DYNC2H1: variants seen among roughly 807,000 people sequenced by gnomAD.
DYNC2H1 encodes cytoplasmic dynein 2 heavy chain 1.
In DYNC2H1, 410 loss-of-function variants were observed where a neutral mutation model predicts 570.0. That is an observed-to-expected ratio of 0.72 (90% CI 0.66 to 0.78). DYNC2H1 has a LOEUF of 0.78. Ranked by LOEUF, DYNC2H1 falls within the 30% of genes least tolerant of loss-of-function variation. The pLI is 0.00. For missense variants in DYNC2H1, 4,865 were observed against 5,046.4 expected (o/e 0.96, Z 1.09); for synonymous variants, 1,688 against 1,677.6 (o/e 1.01, Z -0.15).
chr11:103,110,737 CAT>C lies in DYNC2H1; in HGVS notation c.195+971_195+972del, dbSNP rs760771836. Among the ~76,000 whole-genome samples the C allele has an allele frequency of 9.2e-5, 14 of 151,796 alleles. No homozygotes were observed. The South Asian group carries it at 2.1e-3, about 23-fold the overall frequency. On this transcript the variant is annotated intron_variant, in intron 1 of 88. Coordinates refer to ENST00000375735, the MANE Select transcript of DYNC2H1 (RefSeq NM_001377.3). ...TAGATTTAAGTTAATAAAACAAAGA[CAT>C]ATTTTAAACCTCTTCCTTTGGTGTT...
chr11:103,133,494 A>G lies in DYNC2H1; in HGVS notation c.1954-61A>G. Reference sequence around the variant, plus strand: ...GATAGTTGAACTTTTGATATAGAATATTGAAACTTTTGGAAAAAAGAAATA... The same window carrying G: ...GATAGTTGAACTTTTGATATAGAATGTTGAAACTTTTGGAAAAAAGAAATA... On this transcript the variant is annotated intron_variant, in intron 13 of 88. Transcript: ENST00000375735. The surrounding 1 kb of genome is among the most constrained non-coding windows in gnomAD (Gnocchi z 4.8). The G allele has an allele frequency of 2.7e-6, 4 of 1,489,536 alleles. No individual in the cohort carries two copies. The highest frequency in any genetic ancestry group is 3.6e-6 in the Non-Finnish European group (4 of 1,110,070). The allele number at this position is 1,489,536 out of a possible 1,614,324, so 92.3% of individuals were successfully genotyped here. A position where few individuals can be genotyped will look rare whatever the true frequency, so the allele number is the denominator to read the frequency against.
intron 34 of DYNC2H1, 83 bp downstream of exon 34, chr11:103,171,151 T>C (rs757372816): frequency 3.2e-5 from 37 of 1,165,604 alleles, no homozygotes; most frequent in Admixed American, 1.3e-4. Flanking sequence ...ATTCTCTTTT[T>C]ATTTCTCCTG....
In DYNC2H1 at chr11:103,125,208, T is replaced by G. The variant is rs1433524405; in HGVS notation, c.1770T>G (p.Ser590=). 1.2e-6 allele frequency: 2 copies of G among 1,613,494 alleles called. No individual in the cohort carries two copies. ...VILLREVRQL[S]ALGFVIPAKI... is the part of the protein sequence containing the mutation. ...TTCTGAGAGAAGTTCGTCAGCTCTC[T>G]GCACTTGGCTTTGTTATTCCTGCCA... Residue 590 remains serine (S), a synonymous_variant, in exon 12 of 89, where the codon TCT becomes TCG. Transcript: ENST00000375735.
intron 69 of DYNC2H1, among the ~76,000 whole-genome samples, chr11:103,259,545 T>G (rs1865187361): frequency 1.3e-5 from 2 of 152,236 alleles, no homozygotes; most frequent in Admixed American, 6.5e-5. Context: ...GGGGCTGGAT[T>G]GATAATTATA....
chr11:103,287,241 G>A (rs373716708), intron 74 of DYNC2H1, among the ~76,000 whole-genome samples: 7 of 152,044 alleles, frequency 4.6e-5, no homozygotes, highest in African/African-American at 7.2e-5. Flanking sequence ...CCTCATCTAC[G>A]TACCATGATT....
chr11:103,220,802 GA>G lies in DYNC2H1; in HGVS notation c.9107+24del. On this transcript the variant is annotated intron_variant, in intron 57 of 88. Coordinates refer to ENST00000375735, the MANE Select transcript of DYNC2H1 (RefSeq NM_001377.3). ...TGAAAAGGTACATTTTTCAATTTGT[GA>G]AAAATATTATTTCGGCAATGAATGA... 1 of 1,588,242 alleles carries G rather than the reference GA, an allele frequency of 6.3e-7. No homozygotes were observed. Among genetic ancestry groups the G allele is most frequent in the Non-Finnish European group, 8.6e-7 (1 of 1,167,824 alleles).
At chr11:103,287,929 C>T (rs112411714) in intron 75 of DYNC2H1, among the ~76,000 whole-genome samples, 5 of 152,274 alleles carry the variant, frequency 3.3e-5, no homozygotes, top group African/African-American at 1.2e-4. Flanking sequence ...TTACTCAAAT[C>T]AGTCTCCCTG....
chr11:103,165,864 C>T, intron 30 of DYNC2H1, 34 bp from the exon 31 acceptor site: 1 of 1,407,568 alleles, frequency 7.1e-7, no homozygotes, highest in Non-Finnish European at 9.3e-7. Flanking sequence ...AGTAAATTCA[C>T]CTTTTAAAAA....
chr11:103,150,111 A>G (rs950526993), intron 20 of DYNC2H1, among the ~76,000 whole-genome samples: 2 of 152,220 alleles, frequency 1.3e-5, no homozygotes, highest in East Asian at 1.9e-4. Context: ...AGAGAATGGT[A>G]TGAGGTGCAA....
intron 84 of DYNC2H1, among the ~76,000 whole-genome samples, chr11:103,418,437 G>A (rs1237842342): frequency 5.3e-5 from 8 of 152,272 alleles, no homozygotes; most frequent in Non-Finnish European, 8.8e-5. Flanking sequence ...TCTACACACT[G>A]AAAACTATAA....
chr11:103,186,093 A>G lies in DYNC2H1; in HGVS notation c.6634-149A>G, dbSNP rs1862055447. On this transcript the variant is annotated intron_variant, in intron 41 of 88. Coordinates refer to ENST00000375735, the MANE Select transcript of DYNC2H1 (RefSeq NM_001377.3). The surrounding 1 kb of genome is among the most constrained non-coding windows in gnomAD (Gnocchi z 4.5). ...TTTAGAGAAAAATATTTGAGATAAA[A>G]TGTTACATTAATGATAAAATAGGTT... 1.4e-6 allele frequency: 1 copy of G among 735,366 alleles called. No individual in the cohort carries two copies. Among genetic ancestry groups the G allele is most frequent in the Admixed American group, 3.0e-5 (1 of 33,360 alleles). The allele number at this position is 735,366 out of a possible 1,614,324, so 45.6% of individuals were successfully genotyped here.
chr11:103,358,642 T>A lies in DYNC2H1; in HGVS notation c.12156+283T>A, dbSNP rs946358632. On this transcript the variant is annotated intron_variant, in intron 83 of 88. Transcript: ENST00000375735. ...GTTCATTCCTTGTCTTGATGTTTGA[T>A]AATTTTCTTCCTCTCAGGGCTATGC... is the stretch of plus-strand genomic sequence containing the variant. Among the ~76,000 whole-genome samples, 3 of 152,308 alleles carry A rather than the reference T, an allele frequency of 2.0e-5. No individual in the cohort carries two copies. The East Asian group carries it at 5.8e-4, about 29-fold the overall frequency.
At chr11:103,379,635 T>C (rs1941553869) in intron 83 of DYNC2H1, among the ~76,000 whole-genome samples, 1 of 152,184 alleles carries the variant, frequency 6.6e-6, no homozygotes, top group African/African-American at 2.4e-5. Flanking sequence ...AAAACCTTTT[T>C]TCCCCTCCAT....
At chr11:103,390,072 G>T (rs998709204) in intron 83 of DYNC2H1, among the ~76,000 whole-genome samples, 1 of 152,098 alleles carries the variant, frequency 6.6e-6, no homozygotes, top group African/African-American at 2.4e-5. Context: ...CTGTCTTGTG[G>T]ATCTGTCTAA....
At chr11:103,225,658 TATAG>T (rs979173812) in intron 59 of DYNC2H1, among the ~76,000 whole-genome samples, 13 of 152,184 alleles carry the variant, frequency 8.5e-5, no homozygotes, top group Admixed American at 8.5e-4. Flanking sequence ...ACTGTGGCCT[TATAG>T]TATAGTTTGA....
intron 50 of DYNC2H1, among the ~76,000 whole-genome samples, chr11:103,202,190 A>G (rs565795454): frequency 2.0e-5 from 3 of 151,986 alleles, no homozygotes; most frequent in Non-Finnish European, 2.9e-5. Context: ...GTGGACTTAG[A>G]GCGTTCCATC....
intron 70 of DYNC2H1, among the ~76,000 whole-genome samples, chr11:103,278,851 G>A (rs1008951025): frequency 6.6e-6 from 1 of 151,688 alleles, no homozygotes; most frequent in African/African-American, 2.4e-5. Flanking sequence ...ACAGGCATGA[G>A]CCACCATGCC....
At chr11:103,202,530 T>A (rs542408501) in intron 50 of DYNC2H1, among the ~76,000 whole-genome samples, 1 of 152,110 alleles carries the variant, frequency 6.6e-6, no homozygotes, top group South Asian at 2.1e-4. Context: ...TTGCTAAATT[T>A]AAGGAATCAA....
At chr11:103,248,231 T>C (rs1864694003) in intron 65 of DYNC2H1, among the ~76,000 whole-genome samples, 1 of 151,954 alleles carries the variant, frequency 6.6e-6, no homozygotes, top group Non-Finnish European at 1.5e-5. Context: ...CCATTCATCT[T>C]GAGTTGTGCC....
Sources: gnomAD v4.1 joint callset for allele counts (sites outside exome capture counted in the v4.1 genomes callset) on GRCh38, gnomAD v4.1.1 for gene constraint, Gnocchi (gnomAD v3.1) non-coding constraint, MANE v1.5 for transcripts, NCBI Gene and HGNC (gene_info 2026-07-23, HGNC 2026-07-21) for gene names.